Variants in SLC35F6 observed in about 807,000 individuals in gnomAD.
The protein encoded by SLC35F6 is solute carrier family 35 member F6.
SLC35F6 carries 26 observed loss-of-function variants against 29.4 expected under a neutral mutation model. The ratio of observed to expected loss-of-function variants is 0.89; its 90% CI spans 0.65 to 1.23. The LOEUF is 1.23. Ranked by LOEUF, SLC35F6 falls within the 50% of genes most tolerant of loss-of-function variation. The pLI, the probability that SLC35F6 is intolerant of heterozygous loss-of-function variation, is 0.00. For synonymous variants in SLC35F6, 174 were observed against 206.6 expected, an observed-to-expected ratio of 0.84 and a Z score of 1.35; for missense variants, 428 against 487.8, an observed-to-expected ratio of 0.88 and a Z score of 1.15.
At chr2:26,774,147 G>A (rs1664253997) in intron 1 of SLC35F6, 104 bp from the exon 2 acceptor site, 3 of 1,374,838 alleles carry the variant, frequency 2.2e-6, no homozygotes, top group Non-Finnish European at 3.0e-6. Context: ...CTCTGGGGCC[G>A]GGTCACCCAG....
chr2:26,778,036 C>G lies in SLC35F6; in HGVS notation c.647-6C>G, dbSNP rs1208337790. On this transcript the variant is annotated splice_region_variant and splice_polypyrimidine_tract_variant and intron_variant, in intron 5 of 5. Coordinates refer to ENST00000344420, the MANE Select transcript of SLC35F6 (RefSeq NM_017877.4). ...GGAGAGTGTAACTGTTTCCTCTACT[C>G]CCCAGGCCTCTTTGGCTTTGTGATC... is the stretch of plus-strand genomic sequence containing the variant. The G allele has an allele frequency of 6.2e-7, 1 of 1,607,626 alleles. No individual in the cohort carries two copies. The highest frequency in any genetic ancestry group is 1.7e-5 in the Admixed American group (1 of 59,840).
Position 26,778,787 on chromosome 2 carries a change from A to G in SLC35F6, c.*276A>G, listed in dbSNP as rs1382626352. On this transcript the variant is annotated 3_prime_UTR_variant, in exon 6 of 6. Coordinates refer to ENST00000344420, the MANE Select transcript of SLC35F6 (RefSeq NM_017877.4). ...CCTCCTACAGCACTAGAGCTAAATC[A>G]TGAAGTTGAATTGTAGGAATTTACC... is the stretch of plus-strand genomic sequence containing the variant. The G allele has an allele frequency of 2.3e-6, 1 of 431,168 alleles. No homozygotes were observed. Among genetic ancestry groups the G allele is most frequent in the Admixed American group, 3.8e-5 (1 of 26,046 alleles). The allele number at this position is 431,168 out of a possible 1,614,324, so 26.7% of individuals were successfully genotyped here. A position where few individuals can be genotyped will look rare whatever the true frequency, so the allele number is the denominator to read the frequency against.
intron 2 of SLC35F6, 103 bp from the exon 3 acceptor site, chr2:26,774,940 TG>T: frequency 7.5e-7 from 1 of 1,339,900 alleles, no homozygotes; most frequent in Non-Finnish European, 1.0e-6. Context: ...ATTGGGGTTC[TG>T]GGTAAGCTCT....
At chr2:26,764,988 C>G in intron 1 of SLC35F6, 1 of 985,430 alleles carries the variant, frequency 1.0e-6, no homozygotes, top group Non-Finnish European at 1.2e-6. Flanking sequence ...TAACCAGCAT[C>G]AAATGCCCAG....
At chr2:26,773,572 T>C (rs533043126) in intron 1 of SLC35F6, among the ~76,000 whole-genome samples, 29 of 149,708 alleles carry the variant, frequency 1.9e-4, no homozygotes, top group South Asian at 6.3e-4. Flanking sequence ...TATCAAACAC[T>C]TAAAAAAGCA....
intron 1 of SLC35F6, chr2:26,764,814 A>T: frequency 1.7e-5 from 17 of 985,322 alleles, no homozygotes; most frequent in Non-Finnish European, 2.0e-5. Context: ...AGGCCGAGTG[A>T]CCCAGTGAGC....
At chr2:26,773,681 C>T (rs963012024) in intron 1 of SLC35F6, among the ~76,000 whole-genome samples, 1 of 148,754 alleles carries the variant, frequency 6.7e-6, no homozygotes, top group Admixed American at 6.7e-5. Flanking sequence ...GGTGCAATAT[C>T]GGCTCACTGC....
intron 1 of SLC35F6, among the ~76,000 whole-genome samples, chr2:26,773,963 T>C (rs1255351817): frequency 1.3e-5 from 2 of 152,212 alleles, no homozygotes; most frequent in Non-Finnish European, 2.9e-5. Flanking sequence ...ACTACTGTAA[T>C]GTTCATGAGT....
intron 2 of SLC35F6, among the ~76,000 whole-genome samples, chr2:26,774,644 G>C (rs577368157): frequency 6.6e-5 from 10 of 152,368 alleles, no homozygotes; most frequent in Admixed American, 5.9e-4. Context: ...GGACAGGGCA[G>C]ACACCATAAA....
chr2:26,768,364 CTTTT>C (rs60323100), intron 1 of SLC35F6, among the ~76,000 whole-genome samples: 2 of 137,152 alleles, frequency 1.5e-5, no homozygotes. Context: ...GGAAGGTTTC[CTTTT>C]TTTTTTTTTT....
chr2:26,777,442 T>C (rs1424405295), intron 5 of SLC35F6, among the ~76,000 whole-genome samples: 1 of 152,208 alleles, frequency 6.6e-6, no homozygotes, highest in African/African-American at 2.4e-5. Context: ...GAGCAGCTCT[T>C]GTCTGGCCCC....
chr2:26,774,607 A>G (rs1301552076), intron 2 of SLC35F6, among the ~76,000 whole-genome samples: 2 of 152,220 alleles, frequency 1.3e-5, no homozygotes, highest in Non-Finnish European at 1.5e-5. Flanking sequence ...TCAGCTCTCT[A>G]TCCACTGGGA....
At chr2:26,774,469 C>G in intron 2 of SLC35F6, 146 bp downstream of exon 2, 1 of 885,574 alleles carries the variant, frequency 1.1e-6, no homozygotes, top group South Asian at 1.7e-5. Flanking sequence ...CTTTCCCTCC[C>G]CAGAGCAGAA....
intron 1 of SLC35F6, 84 bp downstream of exon 1, chr2:26,764,510 C>T (rs1664059393): frequency 6.7e-7 from 1 of 1,484,420 alleles, no homozygotes; most frequent in African/African-American, 1.4e-5. Flanking sequence ...CCCTGCCCTC[C>T]TGGCTTCCCC....
chr2:26,774,472 G>A, intron 2 of SLC35F6, 149 bp downstream of exon 2: 1 of 870,310 alleles, frequency 1.1e-6, no homozygotes, highest in East Asian at 2.7e-5. Flanking sequence ...TCCCTCCCCA[G>A]AGCAGAATCC....
chr2:26,775,000 A>T (rs375881908), intron 2 of SLC35F6, 44 bp from the exon 3 acceptor site: 377 of 1,566,082 alleles, frequency 2.4e-4, no homozygotes, highest in Non-Finnish European at 3.1e-4. Context: ...ATGATCCCCG[A>T]GATCCCTTCC....
At chr2:26,769,060 C>G (rs13419920) in intron 1 of SLC35F6, among the ~76,000 whole-genome samples, 7,470 of 152,282 alleles carry the variant, frequency 0.049, 647 homozygotes, top group African/African-American at 0.17. Flanking sequence ...CTGTAGGTCC[C>G]AGGCAGGAGA....
In SLC35F6 at chr2:26,778,661, T is replaced by C. The variant is rs1347578361; in HGVS notation, c.*150T>C. 3 of 725,292 alleles carry C rather than the reference T, an allele frequency of 4.1e-6. No homozygotes were observed. Among genetic ancestry groups the C allele is most frequent in the Non-Finnish European group, 6.6e-6 (3 of 454,674 alleles). The allele number at this position is 725,292 out of a possible 1,614,324, so 44.9% of individuals were successfully genotyped here. On this transcript the variant is annotated 3_prime_UTR_variant, in exon 6 of 6. Transcript: ENST00000344420. ...CCAGGGCAGCTGCTGCCACAGAAGA[T>C]AACAACACCCAAGTCCTCTTTTTCT...
At chr2:26,764,707 G>C (rs978757440) in intron 1 of SLC35F6, 2 of 803,230 alleles carry the variant, frequency 2.5e-6, no homozygotes, top group African/African-American at 3.7e-5. Context: ...TCCTTTCCAC[G>C]GCCCTTCCAG....
Sources: allele counts gnomAD v4.1 joint callset (sites outside exome capture counted in the v4.1 genomes callset), GRCh38; gene constraint gnomAD v4.1.1; transcripts MANE v1.5; gene names NCBI Gene and HGNC (gene_info 2026-07-23, HGNC 2026-07-21).